Variants in NSF observed in about 807,000 individuals in gnomAD.
The protein encoded by NSF is vesicle-fusing ATPase.
Under a neutral mutation model 50.3 loss-of-function variants are expected in NSF, and 14 were observed. The observed-to-expected ratio is 0.28, with a 90% CI of 0.18 to 0.44. NSF has a LOEUF of 0.44. Among genes scored for constraint, NSF ranks in the 20% least tolerant of loss-of-function variants. The pLI is 1.00. For synonymous variants in NSF, 109 were observed against 175.7 expected (o/e 0.62, Z 3.00); for missense variants, 218 against 504.3 (o/e 0.43, Z 5.44).
intron 17 of NSF, among the ~76,000 whole-genome samples, chr17:46,744,500 ATT>A (rs2059108337): frequency 6.6e-6 from 1 of 152,206 alleles, no homozygotes; most frequent in Non-Finnish European, 1.5e-5. Context: ...CTTGCTCAGC[ATT>A]GAATGATATG....
chr17:46,715,023 C>G (rs1568041985), intron 15 of NSF, among the ~76,000 whole-genome samples: 1 of 152,116 alleles, frequency 6.6e-6, no homozygotes, highest in African/African-American at 2.4e-5. Flanking sequence ...AAAGATGACT[C>G]CCAAAAAATG....
At chr17:46,726,725 A>G in intron 16 of NSF, 110 bp downstream of exon 16, 1 of 959,104 alleles carries the variant, frequency 1.0e-6, no homozygotes, top group African/African-American at 1.6e-5. Flanking sequence ...CAATAGAAAT[A>G]CCTTTCTTTG....
chr17:46,744,340 A>G (rs1191402867), intron 17 of NSF, among the ~76,000 whole-genome samples: 1 of 152,270 alleles, frequency 6.6e-6, no homozygotes, highest in Non-Finnish European at 1.5e-5. Context: ...ACTCTCATTT[A>G]CAAAAACATC....
intron 1 of NSF, among the ~76,000 whole-genome samples, chr17:46,595,723 C>CTGG (rs2057863866): frequency 8.7e-6 from 1 of 114,704 alleles, no homozygotes; most frequent in Non-Finnish European, 1.6e-5. Context: ...GACTCCTGAC[C>CTGG]TGGTGATCCA....
chr17:46,751,452 T>C lies in NSF; in HGVS notation c.2044-51T>C, dbSNP rs769722145. On this transcript the variant is annotated intron_variant, in intron 18 of 20. Coordinates refer to ENST00000398238, the MANE Select transcript of NSF (RefSeq NM_006178.4). ...TAAAGGTAAATAGAATTAACCAATG[T>C]TGATGTGTTCACTGTAAAAGTGCTT... 36 of 1,270,032 alleles carry C rather than the reference T, an allele frequency of 2.8e-5. No individual in the cohort carries two copies. The Admixed American group carries it at 6.1e-4, about 21-fold the overall frequency. 78.7% of individuals were successfully genotyped at this position (1,270,032 alleles called of 1,614,324 possible).
Position 46,711,082 on chromosome 17 carries a change from C to G in NSF, c.1590C>G (p.Asn530Lys). ...AGCTGCTGGTGCAGCAGACTAAGAA[C>G]AGTGACCGCACACCATTGGTCAGCG... ...DGELLVQQTK[N>K]SDRTPLVSVL... The change falls in exon 14 of 21, where the codon AAC becomes AAG. Residue 530 changes from asparagine to lysine, a missense_variant. Physicochemically the swap from Asn to Lys is moderately conservative, Grantham distance 94. Coordinates refer to ENST00000398238, the MANE Select transcript of NSF (RefSeq NM_006178.4). 1 of 1,574,262 alleles carries G rather than the reference C, an allele frequency of 6.4e-7. No homozygotes were observed. The highest frequency in any genetic ancestry group is 8.6e-7 in the Non-Finnish European group (1 of 1,165,684).
intron 19 of NSF, among the ~76,000 whole-genome samples, chr17:46,752,912 G>A (rs997654681): frequency 1.3e-5 from 2 of 151,908 alleles, no homozygotes; most frequent in African/African-American, 2.4e-5. Context: ...GATTACAGGC[G>A]CCCACCCACC....
At chr17:46,635,776 A>AATGTGTGTGTGTGT (rs2058179380) in intron 4 of NSF, among the ~76,000 whole-genome samples, 1 of 11,266 alleles carries the variant, frequency 8.9e-5, no homozygotes, top group African/African-American at 1.7e-4. Context: ...AGGGAAAATA[A>AATGTGTGTGTGTGT]ATGTGTGTGT....
chr17:46,749,791 A>G lies in NSF; in HGVS notation c.1927A>G (p.Ile643Val). The G allele has an allele frequency of 1.2e-6, 2 of 1,614,044 alleles. No homozygotes were observed. Among genetic ancestry groups the G allele is most frequent in the South Asian group, 2.2e-5 (2 of 91,056 alleles). The change falls in exon 18 of 21, where the codon ATT becomes GTT. Residue 643 changes from isoleucine to valine, a missense_variant. Around this residue, in one of 2 missense-constraint regions of NSF, gnomAD observed 209 missense variants for 320.9 expected, o/e 0.65. Transcript: ENST00000398238. ...APPQGRKLLI[I>V]GTTSRKDVLQ... ...TGATCAGGGCCGCAAGCTTCTTATC[A>G]TTGGGACCACTAGCCGCAAAGATGT...
In NSF at chr17:46,755,898, T is replaced by C; in HGVS notation, c.*75T>C. The C allele has an allele frequency of 7.1e-7, 1 of 1,410,080 alleles. No individual in the cohort carries two copies. Among genetic ancestry groups the C allele is most frequent in the Non-Finnish European group, 9.9e-7 (1 of 1,006,956 alleles). 87.3% of individuals were successfully genotyped at this position (1,410,080 alleles called of 1,614,324 possible). On this transcript the variant is annotated 3_prime_UTR_variant, in exon 21 of 21. Transcript: ENST00000398238. ...AGATGGCCTAGGATCTTCACTGTCT[T>C]ACTCAAGATACTGGACTAAGTGGAA...
chr17:46,741,942 G>A (rs1267744716), intron 17 of NSF, among the ~76,000 whole-genome samples: 1 of 152,130 alleles, frequency 6.6e-6, no homozygotes, highest in Non-Finnish European at 1.5e-5. Context: ...ATTTAGTAGA[G>A]ACAGCATTTC....
intron 17 of NSF, among the ~76,000 whole-genome samples, chr17:46,737,333 A>G (rs2059015676): frequency 1.3e-5 from 2 of 152,210 alleles, no homozygotes; most frequent in African/African-American, 4.8e-5. Flanking sequence ...ATAGGAATAT[A>G]GGATACTTAG....
At chr17:46,749,652 G>A (rs576738152) in intron 17 of NSF, 121 bp from the exon 18 acceptor site, 5 of 867,548 alleles carry the variant, frequency 5.8e-6, no homozygotes, top group South Asian at 2.4e-5. Flanking sequence ...CTTCTGTTTT[G>A]CCTAATCATT....
chr17:46,721,290 C>T (rs948653220), intron 15 of NSF, among the ~76,000 whole-genome samples: 12 of 152,154 alleles, frequency 7.9e-5, no homozygotes, highest in East Asian at 1.9e-4. Context: ...GTGGACATAA[C>T]GGGCTTCTGT....
At chr17:46,679,423 C>T (rs1451642013) in intron 9 of NSF, among the ~76,000 whole-genome samples, 8 of 132,032 alleles carry the variant, frequency 6.1e-5, no homozygotes, top group African/African-American at 2.1e-4. Flanking sequence ...TGGAAAAAAA[C>T]GTTTGGGAAG....
chr17:46,729,060 A>G lies in NSF; in HGVS notation c.1908+126A>G, dbSNP rs2058922070. The stretch of plus-strand genomic sequence containing the variant: ...AAATTCTGTTGTTGAAAGGATTTTG[A>G]AAGGTCGTCCAGTCTTGACTTCTGT... On this transcript the variant is annotated intron_variant, in intron 17 of 20. Transcript: ENST00000398238. 3 of 604,890 alleles carry G rather than the reference A, an allele frequency of 5.0e-6. No homozygotes were observed. The East Asian group carries it at 8.9e-5, about 18-fold the overall frequency. 37.5% of individuals were successfully genotyped at this position (604,890 alleles called of 1,614,324 possible).
intron 17 of NSF, among the ~76,000 whole-genome samples, chr17:46,745,761 C>T (rs895967347): frequency 2.0e-5 from 3 of 152,132 alleles, no homozygotes; most frequent in African/African-American, 7.2e-5. Context: ...CATCTGTTAG[C>T]CTTTAGGGCT....
At position 46,719,887 on chromosome 17, in the gene NSF, T is replaced by G. The variant is rs977266179; in HGVS notation, c.1761+5901T>G. Among the ~76,000 whole-genome samples the G allele has an allele frequency of 2.6e-5, 4 of 152,236 alleles. No individual in the cohort carries two copies. Among genetic ancestry groups the G allele is most frequent in the African/African-American group, 9.6e-5 (4 of 41,460 alleles). ...AAAATTAAGTAAAACTACCAGTGATTTATAAAACTGTACCCATTAATAACA... is the reference window on the plus strand; with the variant it reads ...AAAATTAAGTAAAACTACCAGTGATGTATAAAACTGTACCCATTAATAACA... On this transcript the variant is annotated intron_variant, in intron 15 of 20. Transcript: ENST00000398238. This position sits in a 1 kb window ranked among gnomAD's most constrained non-coding sequence, Gnocchi z 4.3.
At chr17:46,745,461 G>A (rs1357122362) in intron 17 of NSF, among the ~76,000 whole-genome samples, 1 of 152,188 alleles carries the variant, frequency 6.6e-6, no homozygotes, top group Non-Finnish European at 1.5e-5. Flanking sequence ...TCTCCAGTAT[G>A]GTTGCTCTAC....
Sources: gnomAD v4.1 joint callset for allele counts (sites outside exome capture counted in the v4.1 genomes callset) on GRCh38, gnomAD v4.1.1 for gene constraint, gnomAD v4.1.1 regional missense constraint, Gnocchi (gnomAD v3.1) non-coding constraint, MANE v1.5 for transcripts, NCBI Gene and HGNC (gene_info 2026-07-23, HGNC 2026-07-21) for gene names.